Variants in ERBB4 observed in about 807,000 individuals in gnomAD.
The protein encoded by ERBB4 is receptor tyrosine-protein kinase erbB-4.
In ERBB4, 42 loss-of-function variants were observed where a neutral mutation model predicts 158.0. The observed-to-expected ratio is 0.27, with a 90% confidence interval of 0.21 to 0.34. The LOEUF (loss-of-function observed/expected upper bound fraction) is 0.34, where lower values mean the gene tolerates loss of function less well. Ranked by LOEUF, ERBB4 falls within the 10% of genes least tolerant of loss-of-function variation. The pLI is 1.00. For synonymous variants in ERBB4, 583 were observed against 558.7 expected (o/e 1.04, Z -0.61); for missense variants, 1,333 against 1,624.1 (o/e 0.82, Z 3.08).
intron 3 of ERBB4, among the ~76,000 whole-genome samples, chr2:211,920,757 C>A (rs1262966776): frequency 6.7e-6 from 1 of 148,818 alleles, no homozygotes; most frequent in African/African-American, 2.5e-5. Context: ...TTTGAACTGA[C>A]TTAAGTCTAT....
At chr2:211,402,760 G>C (rs765476657) in intron 25 of ERBB4, among the ~76,000 whole-genome samples, 1 of 151,948 alleles carries the variant, frequency 6.6e-6, no homozygotes, top group Non-Finnish European at 1.5e-5. Context: ...TCCTCCCCTA[G>C]AAAAGAGGAG....
chr2:212,160,425 T>A (rs1454805932), intron 1 of ERBB4, among the ~76,000 whole-genome samples: 2 of 152,024 alleles, frequency 1.3e-5, no homozygotes, highest in East Asian at 3.9e-4. Flanking sequence ...GAGGGTGAAC[T>A]CTATCCACAA....
At chr2:211,499,063 G>A (rs750786120) in intron 20 of ERBB4, among the ~76,000 whole-genome samples, 4 of 152,114 alleles carry the variant, frequency 2.6e-5, no homozygotes, top group Non-Finnish European at 5.9e-5. Flanking sequence ...TGCTGAGTAA[G>A]CATGCAATCA....
intron 1 of ERBB4, among the ~76,000 whole-genome samples, chr2:212,529,597 G>A (rs971414834): frequency 6.6e-6 from 1 of 152,066 alleles, no homozygotes; most frequent in Non-Finnish European, 1.5e-5. Context: ...ATTCATGAAC[G>A]AGCTTAAAAT....
At chr2:211,678,029 G>C (rs1239448796) in intron 13 of ERBB4, among the ~76,000 whole-genome samples, 1 of 152,066 alleles carries the variant, frequency 6.6e-6, no homozygotes, top group Non-Finnish European at 1.5e-5. Flanking sequence ...TTATGATAAA[G>C]TGATTTTATG....
chr2:211,987,341 A>AAG (rs2081964843), intron 2 of ERBB4, among the ~76,000 whole-genome samples: 1 of 124,416 alleles, frequency 8.0e-6, no homozygotes, highest in Non-Finnish European at 1.6e-5. Context: ...AAAAAAAAAA[A>AAG]AAAGAAAGAA....
rs563039687 is a variant in ERBB4 at position 212,325,868 on chromosome 2, T to C, written c.83-200965A>G. On this transcript the variant is annotated intron_variant, in intron 1 of 27. Transcript: ENST00000342788. Reference sequence around the variant, plus strand: ...ACAAACAAATATAGGAAACATTTTTTCCATATTATTTTCCAAATGAAATTG... The same window carrying C: ...ACAAACAAATATAGGAAACATTTTTCCCATATTATTTTCCAAATGAAATTG... 4.0e-4 allele frequency among the ~76,000 whole-genome samples: 61 copies of C among 150,674 alleles called. 2 individuals carry two copies. The highest frequency in any genetic ancestry group is 1.3e-3 in the Admixed American group (19 of 15,104).
intron 1 of ERBB4, among the ~76,000 whole-genome samples, chr2:212,171,256 C>T (rs1241587094): frequency 2.0e-5 from 3 of 152,006 alleles, no homozygotes; most frequent in African/African-American, 7.3e-5. Flanking sequence ...TGGCCAATTT[C>T]TCCCATTTGG....
chr2:211,738,371 T>G (rs112389867), intron 5 of ERBB4, among the ~76,000 whole-genome samples: 94 of 71,050 alleles, frequency 1.3e-3, no homozygotes, highest in Non-Finnish European at 1.7e-3. Flanking sequence ...GTTTTTTTTT[T>G]TTTTTTTTTT....
intron 1 of ERBB4, among the ~76,000 whole-genome samples, chr2:212,133,053 C>G (rs1177128253): frequency 6.6e-6 from 1 of 152,024 alleles, no homozygotes; most frequent in Non-Finnish European, 1.5e-5. Context: ...AAGGTAAAGT[C>G]CTTTCTTCAT....
intron 3 of ERBB4, among the ~76,000 whole-genome samples, chr2:211,790,757 T>G (rs549410867): frequency 6.6e-6 from 1 of 152,130 alleles, no homozygotes; most frequent in South Asian, 2.1e-4. Flanking sequence ...CAATTAATGA[T>G]GGGTAGTTTA....
At chr2:212,438,506 T>C (rs998110667) in intron 1 of ERBB4, among the ~76,000 whole-genome samples, 2 of 152,076 alleles carry the variant, frequency 1.3e-5, no homozygotes, top group African/African-American at 4.8e-5. Flanking sequence ...AAGCACACAG[T>C]ATGTGATATA....
chr2:212,284,974 A>G (rs1253099571), intron 1 of ERBB4, among the ~76,000 whole-genome samples: 1 of 152,094 alleles, frequency 6.6e-6, no homozygotes, highest in East Asian at 1.9e-4. Flanking sequence ...AATGGCAAGT[A>G]GCTATGGGCA....
chr2:211,827,309 A>C (rs868006653), intron 3 of ERBB4, among the ~76,000 whole-genome samples: 10 of 152,062 alleles, frequency 6.6e-5, no homozygotes, highest in African/African-American at 1.7e-4. Flanking sequence ...TCTTCTAAGC[A>C]CTGTTGGGAC....
intron 1 of ERBB4, among the ~76,000 whole-genome samples, chr2:212,215,729 T>C (rs1442644998): frequency 6.6e-6 from 1 of 151,462 alleles, no homozygotes; most frequent in Non-Finnish European, 1.5e-5. Flanking sequence ...GAAATCCCTA[T>C]TAGCAATTTG....
At chr2:212,304,522 A>G (rs1203270170) in intron 1 of ERBB4, among the ~76,000 whole-genome samples, 1 of 151,444 alleles carries the variant, frequency 6.6e-6, no homozygotes, top group African/African-American at 2.4e-5. Context: ...CTACCAATCA[A>G]TCTAGGTGTC....
intron 1 of ERBB4, among the ~76,000 whole-genome samples, chr2:212,423,843 C>T (rs569841880): frequency 6.6e-6 from 1 of 152,240 alleles, no homozygotes; most frequent in East Asian, 1.9e-4. Flanking sequence ...ACTCACTTGA[C>T]TTTATGATTT....
At chr2:212,405,423 C>G (rs1302621377) in intron 1 of ERBB4, among the ~76,000 whole-genome samples, 22 of 152,084 alleles carry the variant, frequency 1.4e-4, no homozygotes, top group Non-Finnish European at 2.9e-5. Context: ...GAAAGCAGTA[C>G]AGTGATTCCT....
At chr2:211,850,419 G>T (rs569545833) in intron 3 of ERBB4, among the ~76,000 whole-genome samples, 79 of 151,480 alleles carry the variant, frequency 5.2e-4, no homozygotes, top group African/African-American at 1.9e-3. Context: ...ATATATATAT[G>T]TATACATATA....
Sources: allele counts gnomAD v4.1 joint callset (sites outside exome capture counted in the v4.1 genomes callset), GRCh38; gene constraint gnomAD v4.1.1; transcripts MANE v1.5; gene names NCBI Gene and HGNC (gene_info 2026-07-23, HGNC 2026-07-21).